RPH3AL: variants seen among roughly 807,000 people sequenced by gnomAD.
The protein encoded by RPH3AL is rabphilin 3A like (without C2 domains), also known as rab effector Noc2.
In RPH3AL, 38 loss-of-function variants were observed where a neutral mutation model predicts 43.1. The observed-to-expected ratio is 0.88, with a 90% CI of 0.68 to 1.15. The LOEUF is 1.15. Ranked by LOEUF, RPH3AL falls within the 50% of genes most tolerant of loss-of-function variation. The pLI is 0.00. For synonymous variants in RPH3AL, 189 were observed against 176.3 expected, an observed-to-expected ratio of 1.07 and a Z score of -0.57; for missense variants, 462 against 423.2, an observed-to-expected ratio of 1.09 and a Z score of -0.81.
chr17:342,155 A>G (rs1037340619), intron 1 of RPH3AL, among the ~76,000 whole-genome samples: 1 of 152,216 alleles, frequency 6.6e-6, no homozygotes, highest in Admixed American at 6.5e-5. Context: ...CAAAACCACC[A>G]TGAGATACCA....
At chr17:220,130 C>A (rs1451806748) in intron 7 of RPH3AL, among the ~76,000 whole-genome samples, 3 of 152,130 alleles carry the variant, frequency 2.0e-5, no homozygotes, top group African/African-American at 7.2e-5. Context: ...AGACAATAGA[C>A]CCAAGAACAA....
In RPH3AL at chr17:219,653, G is replaced by A. The variant is rs765780150; in HGVS notation, c.697C>T (p.Arg233Trp). The change falls in exon 8 of 10, where the codon CGG (arginine) becomes TGG (tryptophan). Residue 233 changes from arginine to tryptophan, a missense_variant. By Grantham distance (101) the Arg-to-Trp change is moderately radical. Coordinates refer to ENST00000331302, the MANE Select transcript of RPH3AL (RefSeq NM_006987.4). ...DRLPSTGVRD[R>W]KGDKPWKESG... ...TCCTTCCAGGGTTTGTCGCCTTTCCGGTCCCTGACCCCAGTGGATGGGAGT... is the reference window on the plus strand; with the variant it reads ...TCCTTCCAGGGTTTGTCGCCTTTCCAGTCCCTGACCCCAGTGGATGGGAGT... 56 of 1,608,994 alleles carry A rather than the reference G, an allele frequency of 3.5e-5. No homozygotes were observed. Among genetic ancestry groups the A allele is most frequent in the South Asian group, 2.5e-4 (23 of 90,928 alleles).
At chr17:303,024 A>AAT (rs1383692392) in intron 5 of RPH3AL, among the ~76,000 whole-genome samples, 5 of 152,216 alleles carry the variant, frequency 3.3e-5, no homozygotes, top group Admixed American at 3.3e-4. Flanking sequence ...TGAGGCATCC[A>AAT]AGTCAGACAA....
intron 5 of RPH3AL, among the ~76,000 whole-genome samples, chr17:315,217 T>TGC: frequency 8.9e-6 from 1 of 112,860 alleles, no homozygotes; most frequent in African/African-American, 3.4e-5. Flanking sequence ...TCACCTGTAG[T>TGC]CTCTGTGCCC....
chr17:342,383 T>G (rs970999497), intron 1 of RPH3AL, among the ~76,000 whole-genome samples: 1 of 152,228 alleles, frequency 6.6e-6, no homozygotes, highest in South Asian at 2.1e-4. Context: ...TGAAAGCAAG[T>G]GTTCAAATTA....
chr17:276,096 G>A (rs1468261832), intron 6 of RPH3AL, among the ~76,000 whole-genome samples: 1 of 152,154 alleles, frequency 6.6e-6, no homozygotes, highest in Non-Finnish European at 1.5e-5. Context: ...AGAGGAAATC[G>A]GGGACGAGAC....
intron 5 of RPH3AL, among the ~76,000 whole-genome samples, chr17:306,967 T>C (rs140435272): frequency 3.3e-5 from 5 of 152,280 alleles, no homozygotes; most frequent in Non-Finnish European, 7.4e-5. Flanking sequence ...GCTCCTGAAG[T>C]GCCCTCTCCT....
chr17:325,475 T>C (rs985831380), intron 3 of RPH3AL, among the ~76,000 whole-genome samples: 3 of 152,120 alleles, frequency 2.0e-5, no homozygotes, highest in Non-Finnish European at 4.4e-5. Flanking sequence ...CTGTTCCTTC[T>C]ACCTCAGGGC....
At chr17:314,262 C>A (rs2043759323) in intron 5 of RPH3AL, among the ~76,000 whole-genome samples, 1 of 152,172 alleles carries the variant, frequency 6.6e-6, no homozygotes, top group East Asian at 1.9e-4. Flanking sequence ...AGGCTCTGTG[C>A]CTCTCCACAG....
chr17:273,833 A>G (rs1450003883), intron 6 of RPH3AL, among the ~76,000 whole-genome samples: 1 of 152,232 alleles, frequency 6.6e-6, no homozygotes, highest in African/African-American at 2.4e-5. Flanking sequence ...GAGGAGGCAA[A>G]GCCAATGCTG....
intron 7 of RPH3AL, among the ~76,000 whole-genome samples, chr17:243,179 CCCTTCCTCTATTGAT>C (rs1555537945): frequency 4.8e-3 from 388 of 81,608 alleles, no homozygotes; most frequent in East Asian, 0.013. Flanking sequence ...CTATTGATTA[CCCTTCCTCTATTGAT>C]TACCTTCCTC....
chr17:235,581 CACACTAACAA>C lies in RPH3AL; in HGVS notation c.613+11520_613+11529del, dbSNP rs2041358455. On this transcript the variant is annotated intron_variant, in intron 7 of 9. Transcript: ENST00000331302. ...TCAAAGCTGGGGTCGGTGGAGGCTC[CACACTAACAA>C]GACGGATCCCGGGTTCAAAGCTGGG... is the stretch of plus-strand genomic sequence containing the variant. Among the ~76,000 whole-genome samples the C allele has an allele frequency of 4.3e-5, 4 of 92,480 alleles. 1 individual carries two copies. Among genetic ancestry groups the C allele is most frequent in the Non-Finnish European group, 9.2e-5 (4 of 43,636 alleles). The allele number at this position is 92,480 out of a possible 152,430, so 60.7% of individuals were successfully genotyped here. A position where few individuals can be genotyped will look rare whatever the true frequency, so the allele number is the denominator to read the frequency against.
intron 3 of RPH3AL, chr17:321,771 GAC>G (rs1491510168): frequency 3.9e-6 from 1 of 258,426 alleles, no homozygotes; most frequent in South Asian, 1.1e-4. Flanking sequence ...AGACGGGGCA[GAC>G]ACAGGCTCCA....
chr17:314,426 T>A (rs58287733), intron 5 of RPH3AL, among the ~76,000 whole-genome samples: 1 of 112,688 alleles, frequency 8.9e-6, no homozygotes. Flanking sequence ...CACTGACATG[T>A]AGTCCCTCTG....
At chr17:288,647 CCT>C (rs72192005) in intron 5 of RPH3AL, among the ~76,000 whole-genome samples, 12 of 1,020 alleles carry the variant, frequency 0.012, 4 homozygotes, top group East Asian at 0.06. Flanking sequence ...GACCTCGCAC[CCT>C]CTCTCTCCAC....
At position 321,297 on chromosome 17, in the gene RPH3AL, C is replaced by T. The variant is rs374739978; in HGVS notation, c.196G>A (p.Asp66Asn). 296 of 1,609,712 alleles carry T rather than the reference C, an allele frequency of 1.8e-4. No individual in the cohort carries two copies. Among genetic ancestry groups the T allele is most frequent in the South Asian group, 7.6e-4 (69 of 91,068 alleles). ...CCGATTCTCTGCTGCTCCAGGACGT[C>T]GAGCCGCTCTGCCCTCTGGATGACC... ...LQVIQRAERLDVLEQQRIGRL... is the reference protein window; with the variant it reads ...LQVIQRAERLNVLEQQRIGRL... The change falls in exon 4 of 10, where the codon GAC (aspartate) becomes AAC (asparagine). Residue 66 changes from aspartate (D) to asparagine (N), a missense_variant. Physicochemically the swap from Asp to Asn is conservative, Grantham distance 23 (BLOSUM62 1). Coordinates refer to ENST00000331302, the MANE Select transcript of RPH3AL (RefSeq NM_006987.4).
At chr17:305,308 C>G (rs76180695) in intron 5 of RPH3AL, among the ~76,000 whole-genome samples, 14,898 of 151,868 alleles carry the variant, frequency 0.098, 814 homozygotes, top group Middle Eastern at 0.12. Flanking sequence ...CGAGATGGCG[C>G]GTAACAGCCC....
At chr17:219,508 T>C in intron 8 of RPH3AL, 115 bp downstream of exon 8, 2 of 363,430 alleles carry the variant, frequency 5.5e-6, no homozygotes, top group Middle Eastern at 5.6e-4. Context: ...AATAGTTTCA[T>C]TTCTTTTCTT....
At chr17:316,590 G>A (rs1386160189) in intron 5 of RPH3AL, among the ~76,000 whole-genome samples, 9 of 137,112 alleles carry the variant, frequency 6.6e-5, no homozygotes, top group African/African-American at 2.6e-4. Context: ...TTGACCTGTA[G>A]TCCCTGTGCT....
Sources: allele counts gnomAD v4.1 joint callset (sites outside exome capture counted in the v4.1 genomes callset), GRCh38; gene constraint gnomAD v4.1.1; transcripts MANE v1.5; gene names NCBI Gene and HGNC (gene_info 2026-07-23, HGNC 2026-07-21).